Variants in EXT1 observed in about 807,000 individuals in gnomAD.
EXT1 encodes exostosin-1.
In EXT1, 20 loss-of-function variants were observed where a neutral mutation model predicts 82.5. That is an observed-to-expected ratio of 0.24 (90% CI 0.17 to 0.35). The LOEUF is 0.35. Among genes scored for constraint, EXT1 ranks in the 10% least tolerant of loss-of-function variants. The pLI is 1.00. For missense variants in EXT1, 757 were observed against 936.5 expected (o/e 0.81, Z 2.50); for synonymous variants, 348 against 350.8 (o/e 0.99, Z 0.09).
At position 117,830,219 on chromosome 8, in the gene EXT1, G is replaced by A; in HGVS notation, c.1284+11C>T. On this transcript the variant is annotated intron_variant, in intron 4 of 10. Transcript: ENST00000378204. ...ATTATTCAAGCCCAAGAGCCAAGTG[G>A]TCTCACTTACCTCTAGTGTAGTTAA... 6.2e-7 allele frequency: 1 copy of A among 1,613,832 alleles called. No homozygotes were observed. Among genetic ancestry groups the A allele is most frequent in the East Asian group, 2.2e-5 (1 of 44,846 alleles).
chr8:118,087,640 T>C (rs1817446896), intron 1 of EXT1, among the ~76,000 whole-genome samples: 1 of 152,194 alleles, frequency 6.6e-6, no homozygotes, highest in Non-Finnish European at 1.5e-5. Context: ...CTAATGTGTT[T>C]ACACAGAAAG....
At chr8:117,971,879 G>A (rs896851938) in intron 1 of EXT1, among the ~76,000 whole-genome samples, 5 of 152,146 alleles carry the variant, frequency 3.3e-5, no homozygotes, top group East Asian at 1.9e-4. Flanking sequence ...GACCGGGTGC[G>A]GTGGCTCACG....
chr8:117,818,773 C>T (rs796921326), intron 6 of EXT1, among the ~76,000 whole-genome samples: 2 of 152,156 alleles, frequency 1.3e-5, no homozygotes, highest in African/African-American at 4.8e-5. Flanking sequence ...AACAAACAAA[C>T]AAAACCAACT....
intron 1 of EXT1, among the ~76,000 whole-genome samples, chr8:117,938,232 C>T (rs1264365208): frequency 2.6e-5 from 4 of 152,078 alleles, no homozygotes; most frequent in Admixed American, 2.6e-4. Context: ...GCGGCTGAAG[C>T]AGGAGGATTA....
intron 1 of EXT1, among the ~76,000 whole-genome samples, chr8:117,850,121 A>C (rs1354005848): frequency 2.6e-5 from 4 of 152,216 alleles, no homozygotes; most frequent in African/African-American, 9.7e-5. Flanking sequence ...ACTCTTGGCT[A>C]CGGGGCCCTT....
chr8:118,102,744 A>G (rs1817741695), intron 1 of EXT1, among the ~76,000 whole-genome samples: 1 of 152,240 alleles, frequency 6.6e-6, no homozygotes, highest in Non-Finnish European at 1.5e-5. Context: ...ATAGTGGCTA[A>G]CACTTATAAT....
At chr8:117,870,823 T>TCTCACACACACACACACACACACACA (rs150568638) in intron 1 of EXT1, among the ~76,000 whole-genome samples, 8 of 146,870 alleles carry the variant, frequency 5.4e-5, no homozygotes, top group African/African-American at 2.1e-4. Context: ...AAATGCTTTG[T>TCTCACACACACACACACACACACACA]CACACACACA....
chr8:117,977,612 A>T (rs1158834574), intron 1 of EXT1, among the ~76,000 whole-genome samples: 2 of 152,192 alleles, frequency 1.3e-5, no homozygotes, highest in Non-Finnish European at 2.9e-5. Context: ...CATACATAAA[A>T]GGGGAGAATA....
chr8:118,005,781 GA>G (rs1474331488), intron 1 of EXT1, among the ~76,000 whole-genome samples: 1 of 152,174 alleles, frequency 6.6e-6, no homozygotes, highest in Non-Finnish European at 1.5e-5. Flanking sequence ...TCTGCAATGG[GA>G]AAAGGACCAT....
chr8:117,986,485 C>A (rs1271672112), intron 1 of EXT1, among the ~76,000 whole-genome samples: 2 of 152,252 alleles, frequency 1.3e-5, no homozygotes, highest in East Asian at 3.9e-4. Flanking sequence ...GCGTGAGCCA[C>A]CGCACCTGGA....
chr8:118,066,332 C>CTTTATTTATTTATTTA (rs71307424), intron 1 of EXT1, among the ~76,000 whole-genome samples: 8 of 143,938 alleles, frequency 5.6e-5, no homozygotes, highest in East Asian at 2.1e-4. Context: ...TTTTCTCTAG[C>CTTTATTTATTTATTTA]TTTATTTATT....
At chr8:117,855,081 T>C (rs1812519158) in intron 1 of EXT1, among the ~76,000 whole-genome samples, 2 of 152,244 alleles carry the variant, frequency 1.3e-5, no homozygotes, top group Admixed American at 1.3e-4. Context: ...TTCTGATTGC[T>C]GCATTCTGGA....
At chr8:118,040,352 G>C (rs1034559602) in intron 1 of EXT1, among the ~76,000 whole-genome samples, 1 of 152,106 alleles carries the variant, frequency 6.6e-6, no homozygotes, top group Non-Finnish European at 1.5e-5. Flanking sequence ...AGATGGGGTG[G>C]GAAGAAATTT....
intron 1 of EXT1, among the ~76,000 whole-genome samples, chr8:117,954,845 C>T (rs1369397026): frequency 6.6e-6 from 1 of 152,182 alleles, no homozygotes; most frequent in African/African-American, 2.4e-5. Flanking sequence ...TACTTGATAT[C>T]TAATGATTGA....
intron 1 of EXT1, among the ~76,000 whole-genome samples, chr8:117,994,905 C>T (rs1815505174): frequency 6.6e-6 from 1 of 152,172 alleles, no homozygotes; most frequent in East Asian, 1.9e-4. Flanking sequence ...CACCACAGAA[C>T]ATCAGCTATT....
chr8:117,957,440 CT>C (rs1037838194), intron 1 of EXT1, among the ~76,000 whole-genome samples: 59 of 152,344 alleles, frequency 3.9e-4, no homozygotes, highest in African/African-American at 1.4e-3. Flanking sequence ...GCCCTTCCCC[CT>C]GGCCTCTCGG....
rs4541958 is a variant in EXT1 at position 117,913,820 on chromosome 8, T to C, written c.963-76619A>G. On this transcript the variant is annotated intron_variant, in intron 1 of 10. Coordinates refer to ENST00000378204, the MANE Select transcript of EXT1 (RefSeq NM_000127.3). ...ATCTCACTTGCTTTTAATAACAACA[T>C]TGGAAGAATGAACAACTCATTCCAG... Among the ~76,000 whole-genome samples, 424 of 152,142 alleles carry C rather than the reference T, an allele frequency of 2.8e-3. 4 individuals are homozygous for C. The highest frequency in any genetic ancestry group is 9.6e-3 in the African/African-American group (400 of 41,536).
At chr8:117,879,014 C>T (rs1013705458) in intron 1 of EXT1, among the ~76,000 whole-genome samples, 2 of 152,200 alleles carry the variant, frequency 1.3e-5, no homozygotes, top group Admixed American at 6.5e-5. Context: ...CATAAAATGG[C>T]GCTTAAAGCT....
At position 118,111,616 on chromosome 8, in the gene EXT1, C is replaced by T. The variant is rs557865915; in HGVS notation, c.-570G>A. The T allele has an allele frequency of 2.5e-6, 1 of 399,688 alleles. No homozygotes were observed. Among genetic ancestry groups the T allele is most frequent in the Admixed American group, 4.3e-5 (1 of 23,006 alleles). The allele number at this position is 399,688 out of a possible 1,614,324, so 24.8% of individuals were successfully genotyped here. A position where few individuals can be genotyped will look rare whatever the true frequency, so the allele number is the denominator to read the frequency against. On this transcript the variant is annotated 5_prime_UTR_variant, in exon 1 of 11. Transcript: ENST00000378204. Reference sequence around the variant, plus strand: ...TCCCTGCATCTCTCTTTATTCCCTTCTGCAGCGGCTCCAAGACTCCGGCGG... The same window carrying T: ...TCCCTGCATCTCTCTTTATTCCCTTTTGCAGCGGCTCCAAGACTCCGGCGG...
Sources: gnomAD v4.1 joint callset for allele counts (sites outside exome capture counted in the v4.1 genomes callset) on GRCh38, gnomAD v4.1.1 for gene constraint, MANE v1.5 for transcripts, NCBI Gene and HGNC (gene_info 2026-07-23, HGNC 2026-07-21) for gene names.